TMPRSS7: variants seen among roughly 807,000 people sequenced by gnomAD.
The protein encoded by TMPRSS7 is transmembrane protease serine 7.
A neutral mutation model predicts 95.6 loss-of-function variants in TMPRSS7; 81 were observed. The observed-to-expected ratio is 0.85, with a 90% CI of 0.71 to 1.02. The LOEUF (loss-of-function observed/expected upper bound fraction) is 1.02. Ranked by LOEUF, TMPRSS7 falls within the 50% of genes least tolerant of loss-of-function variation. The pLI, the probability that TMPRSS7 is intolerant of heterozygous loss-of-function variation, is 0.00. For missense variants in TMPRSS7, 945 were observed against 955.2 expected, an observed-to-expected ratio of 0.99 and a Z score of 0.14; for synonymous variants, 364 against 337.8, an observed-to-expected ratio of 1.08 and a Z score of -0.85.
At chr3:112,055,328 A>G (rs999666048) in intron 9 of TMPRSS7, among the ~76,000 whole-genome samples, 1 of 152,122 alleles carries the variant, frequency 6.6e-6, no homozygotes, top group African/African-American at 2.4e-5. Context: ...CTACCTGCAC[A>G]ACAGGGTTGT....
At chr3:112,059,466 C>G (rs2073473828) in intron 10 of TMPRSS7, among the ~76,000 whole-genome samples, 1 of 152,196 alleles carries the variant, frequency 6.6e-6, no homozygotes, top group Non-Finnish European at 1.5e-5. Flanking sequence ...CTCTTGATTC[C>G]CCTTAACATG....
intron 10 of TMPRSS7, among the ~76,000 whole-genome samples, chr3:112,059,631 A>C (rs925621430): frequency 1.3e-5 from 2 of 152,236 alleles, no homozygotes; most frequent in African/African-American, 2.4e-5. Flanking sequence ...AAAGTTTGGC[A>C]TGGCTTGGCT....
At position 112,047,972 on chromosome 3, in the gene TMPRSS7, G is replaced by A. The variant is rs535560771; in HGVS notation, c.959+5G>A. ...CCGGAGCAGCATCTTGTACAGGTAC[G>A]ATGCAGGTACTCTTCTTGGTGGGTA... On this transcript the variant is annotated splice_donor_5th_base_variant and intron_variant, in intron 7 of 17. Coordinates refer to ENST00000452346, the Ensembl canonical transcript of TMPRSS7. 192 of 1,609,582 alleles carry A rather than the reference G, an allele frequency of 1.2e-4. No homozygotes were observed. Among genetic ancestry groups the A allele is most frequent in the Non-Finnish European group, 1.5e-4 (180 of 1,175,974 alleles).
chr3:112,039,012 C>A (rs1223747623), intron 2 of TMPRSS7, among the ~76,000 whole-genome samples: 1 of 152,200 alleles, frequency 6.6e-6, no homozygotes, highest in Non-Finnish European at 1.5e-5. Flanking sequence ...TCATTCCACC[C>A]ACCACCTGTT....
chr3:112,043,909 T>C (rs1275725507), intron 3 of TMPRSS7, among the ~76,000 whole-genome samples: 1 of 152,252 alleles, frequency 6.6e-6, no homozygotes, highest in Non-Finnish European at 1.5e-5. Context: ...GTCAGACTAC[T>C]GTACTATGAA....
chr3:112,064,936 G>A (rs926247267), intron 12 of TMPRSS7, among the ~76,000 whole-genome samples: 4 of 152,194 alleles, frequency 2.6e-5, no homozygotes, highest in African/African-American at 9.6e-5. Context: ...CAGTTACAAT[G>A]ATGATGCTAT....
At chr3:112,035,913 T>C (rs1034274145) in intron 1 of TMPRSS7, among the ~76,000 whole-genome samples, 20 of 152,220 alleles carry the variant, frequency 1.3e-4, no homozygotes, top group African/African-American at 4.8e-4. Flanking sequence ...TCCATTTACT[T>C]TTAAATAATT....
intron 1 of TMPRSS7, among the ~76,000 whole-genome samples, chr3:112,036,988 C>T (rs187151284): frequency 1.1e-4 from 17 of 152,234 alleles, no homozygotes; most frequent in Non-Finnish European, 1.3e-4. Context: ...CTCTTAATCC[C>T]GTCATCTTTG....
intron 10 of TMPRSS7, 22 bp downstream of exon 10, chr3:112,057,153 T>C (rs1409727376): frequency 1.3e-6 from 2 of 1,532,684 alleles, no homozygotes; most frequent in African/African-American, 2.7e-5. Flanking sequence ...TCATATGTTT[T>C]CATATGTGAG....
chr3:112,061,664 T>A (rs900665920), intron 10 of TMPRSS7, 123 bp from the exon 11 acceptor site: 2 of 1,031,956 alleles, frequency 1.9e-6, no homozygotes, highest in Non-Finnish European at 2.8e-6. Flanking sequence ...TACCATTAGC[T>A]CTACCATACG....
intron 13 of TMPRSS7, among the ~76,000 whole-genome samples, chr3:112,067,328 C>T (rs1053331247): frequency 2.7e-4 from 41 of 152,088 alleles, no homozygotes; most frequent in African/African-American, 9.9e-4. Flanking sequence ...GATTTATAAT[C>T]CTTTAGGTAT....
intron 12 of TMPRSS7, 56 bp downstream of exon 12, chr3:112,063,688 C>T (rs1412685374): frequency 7.2e-7 from 1 of 1,379,564 alleles, no homozygotes; most frequent in Non-Finnish European, 1.0e-6. Flanking sequence ...TTCTCAGGAC[C>T]ATGATTGCTG....
intron 9 of TMPRSS7, among the ~76,000 whole-genome samples, chr3:112,054,843 C>T (rs1162916973): frequency 6.7e-6 from 1 of 148,260 alleles, no homozygotes; most frequent in African/African-American, 2.5e-5. Context: ...AGGTTCACGC[C>T]ATTCTCCTGC....
chr3:112,066,521 T>C lies in TMPRSS7; in HGVS notation c.1666+19T>C. The C allele has an allele frequency of 6.2e-7, 1 of 1,603,806 alleles. No homozygotes were observed. Among genetic ancestry groups the C allele is most frequent in the Non-Finnish European group, 8.5e-7 (1 of 1,171,244 alleles). ...ACTCAAAGTGAGGGAGAGTCCTCTG[T>C]GCCCTGCTGTTCCTCCTATGAAACT... On this transcript the variant is annotated intron_variant, in intron 13 of 17. Transcript: ENST00000452346.
At chr3:112,040,503 G>C (rs150272520) in intron 2 of TMPRSS7, among the ~76,000 whole-genome samples, 3 of 152,286 alleles carry the variant, frequency 2.0e-5, no homozygotes, top group Non-Finnish European at 4.4e-5. Flanking sequence ...TGGGAGCAGA[G>C]TGGTGAGCAA....
intron 10 of TMPRSS7, among the ~76,000 whole-genome samples, chr3:112,060,150 G>A (rs1419702112): frequency 2.6e-5 from 4 of 152,168 alleles, no homozygotes; most frequent in African/African-American, 4.8e-5. Flanking sequence ...GGGAGTGTAC[G>A]AATAGGGTGT....
chr3:112,051,854 A>G (rs191228064), intron 9 of TMPRSS7, among the ~76,000 whole-genome samples: 11 of 152,166 alleles, frequency 7.2e-5, no homozygotes, highest in African/African-American at 2.6e-4. Context: ...ATACGTATAG[A>G]CTCATTATTG....
At chr3:112,047,640 G>C (rs2073296004) in intron 6 of TMPRSS7, 99 bp from the exon 7 acceptor site, 1 of 898,118 alleles carries the variant, frequency 1.1e-6, no homozygotes, top group African/African-American at 1.7e-5. Flanking sequence ...TCCTTCACAT[G>C]ACCTCTTTTG....
At chr3:112,063,469 G>T (rs993141185) in intron 11 of TMPRSS7, 56 bp from the exon 12 acceptor site, 36 of 1,375,108 alleles carry the variant, frequency 2.6e-5, no homozygotes, top group Non-Finnish European at 3.3e-5. Context: ...ATGTGGTCTA[G>T]TGATTTCAGG....
Sources: gnomAD v4.1 joint callset for allele counts (sites outside exome capture counted in the v4.1 genomes callset) on GRCh38, gnomAD v4.1.1 for gene constraint, MANE v1.5 for transcripts, NCBI Gene and HGNC (gene_info 2026-07-23, HGNC 2026-07-21) for gene names.